The following IFT140 variants were observed in gnomAD, a reference collection of about 807,000 sequenced individuals.
IFT140 encodes the protein intraflagellar transport 140.
Under a neutral mutation model 164.6 loss-of-function variants are expected in IFT140, and 133 were observed. The observed-to-expected ratio is 0.81, with a 90% CI of 0.70 to 0.93. The LOEUF is 0.93. Ranked by LOEUF, IFT140 falls within the 40% of genes least tolerant of loss-of-function variation. The probability of loss-of-function intolerance (pLI) is 0.00; values close to 1 mark genes in which losing one functional copy is unlikely to be tolerated. For synonymous variants in IFT140, 860 were observed against 817.3 expected, an observed-to-expected ratio of 1.05 and a Z score of -0.89; for missense variants, 2,045 against 1,972.3, an observed-to-expected ratio of 1.04 and a Z score of -0.70.
rs137925718 is a variant in IFT140, at chr16:1,568,320, T to C, written c.1667A>G (p.His556Arg). 1.4e-4 allele frequency: 227 copies of C among 1,613,690 alleles called. 3 individuals carry two copies. The African/African-American group carries it at 2.7e-3, about 19-fold the overall frequency. Reference protein sequence around the residue: ...FDLSRREAKAHCSCRSLAELV... With the variant: ...FDLSRREAKARCSCRSLAELV... ...CTCCGCCAGGCTCCTGCAGCTACAG[T>C]GTGCTTTGGCCTCTCTGCAGGGAGG... The change falls in exon 15 of 31, where the codon CAC (histidine) becomes CGC (arginine). Residue 556 changes from histidine to arginine, a missense_variant. By Grantham distance (29) the His-to-Arg change is conservative (BLOSUM62 0). Transcript: ENST00000426508.
In IFT140 at chr16:1,611,971, C is replaced by T. The variant is rs1347141921; in HGVS notation, c.-225G>A. 1.3e-5 allele frequency: 2 copies of T among 152,242 alleles called. No individual in the cohort carries two copies. The highest frequency in any genetic ancestry group is 6.5e-5 in the Admixed American group (1 of 15,282). 9.4% of individuals were successfully genotyped at this position (152,242 alleles called of 1,614,324 possible). On this transcript the variant is annotated 5_prime_UTR_variant, in exon 1 of 31. Transcript: ENST00000426508. Reference sequence around the variant, plus strand: ...CCCAGGAAAGGGTGCGCTTAACTGCCTCAGACGTGCTTCCACACTTCTCAG... The same window carrying T: ...CCCAGGAAAGGGTGCGCTTAACTGCTTCAGACGTGCTTCCACACTTCTCAG...
chr16:1,541,937 G>A, intron 19 of IFT140: 1 of 1,605,948 alleles, frequency 6.2e-7, no homozygotes, highest in Non-Finnish European at 8.5e-7. Flanking sequence ...TCGACATGAT[G>A]CGCGCCTGCA....
At chr16:1,547,271 C>T (rs187820867) in intron 19 of IFT140, among the ~76,000 whole-genome samples, 86 of 152,306 alleles carry the variant, frequency 5.6e-4, no homozygotes, top group African/African-American at 1.6e-3. Flanking sequence ...GGCACTGGTC[C>T]GTCCCGATGC....
intron 4 of IFT140, among the ~76,000 whole-genome samples, chr16:1,597,153 G>A (rs1442885158): frequency 6.6e-6 from 1 of 152,174 alleles, no homozygotes; most frequent in African/African-American, 2.4e-5. Flanking sequence ...ACATCAGGGT[G>A]CGCGTCAGGT....
intron 4 of IFT140, among the ~76,000 whole-genome samples, chr16:1,599,850 G>A (rs1426082000): frequency 3.2e-5 from 3 of 95,158 alleles, no homozygotes; most frequent in South Asian, 3.8e-4. Context: ...CCCCCTGCCC[G>A]GCCAGCCGCC....
chr16:1,528,411 GGACGCAC>G (rs2030018444), intron 19 of IFT140, among the ~76,000 whole-genome samples: 1 of 141,904 alleles, frequency 7.0e-6, no homozygotes, highest in Non-Finnish European at 1.5e-5. Context: ...GCACACACAT[GGACGCAC>G]ATGCACACAC....
At chr16:1,604,274 C>G (rs867415314) in intron 3 of IFT140, 2 of 129,812 alleles carry the variant, frequency 1.5e-5, no homozygotes, top group South Asian at 2.6e-4. Context: ...GCTGCAAGGG[C>G]GTGTGTGTGT....
chr16:1,552,946 C>A, intron 19 of IFT140: 1 of 984,578 alleles, frequency 1.0e-6, no homozygotes, highest in Non-Finnish European at 1.2e-6. Flanking sequence ...AACCACTGTG[C>A]CTTGTCTAGA....
At chr16:1,526,830 C>T in intron 19 of IFT140, 34 bp from the exon 20 acceptor site, 1 of 1,588,274 alleles carries the variant, frequency 6.3e-7, no homozygotes, top group Non-Finnish European at 8.6e-7. Flanking sequence ...AGGCTCCTGC[C>T]CAGCACCTCA....
At chr16:1,595,794 T>TGTAATCCCAGCACTTTGG (rs1168310577) in intron 4 of IFT140, among the ~76,000 whole-genome samples, 1 of 152,156 alleles carries the variant, frequency 6.6e-6, no homozygotes, top group Non-Finnish European at 1.5e-5. Context: ...GGCTCATGCC[T>TGTAATCCCAGCACTTTGG]GTAATCCCAG....
In IFT140 at chr16:1,526,068, C is replaced by G; in HGVS notation, c.2587G>C (p.Glu863Gln). Reference protein sequence around the residue: ...ATQLGMLEDAEQLYRKCKRHD... With the variant: ...ATQLGMLEDAQQLYRKCKRHD... ...CGCTTGCACTTCCTGTACAGCTGCT[C>G]GGCGTCCTCCTGAGGAATGAGGATG... The change falls in exon 21 of 31, where the codon GAG becomes CAG. Residue 863 changes from glutamate (E) to glutamine (Q), a missense_variant. Physicochemically the swap from Glu to Gln is conservative, Grantham distance 29. Coordinates refer to ENST00000426508, the MANE Select transcript of IFT140 (RefSeq NM_014714.4). The G allele has an allele frequency of 6.3e-7, 1 of 1,586,406 alleles. No homozygotes were observed. Among genetic ancestry groups the G allele is most frequent in the South Asian group, 1.2e-5 (1 of 86,936 alleles).
intron 18 of IFT140, 138 bp from the exon 19 acceptor site, chr16:1,558,272 A>G (rs2033216362): frequency 1.2e-6 from 1 of 803,774 alleles, no homozygotes; most frequent in African/African-American, 1.7e-5. Context: ...CAACAGGCCC[A>G]GTCCCTGCCA....
intron 3 of IFT140, among the ~76,000 whole-genome samples, chr16:1,606,740 G>A (rs2142092660): frequency 6.6e-6 from 1 of 152,234 alleles, no homozygotes; most frequent in African/African-American, 2.4e-5. Flanking sequence ...GATTACAGGC[G>A]TGAGCCACTG....
chr16:1,594,420 T>C (rs898747300), intron 4 of IFT140, among the ~76,000 whole-genome samples: 3 of 152,058 alleles, frequency 2.0e-5, no homozygotes, highest in Non-Finnish European at 2.9e-5. Context: ...GGGGTCGCAC[T>C]ATGTTGCCCA....
intron 13 of IFT140, chr16:1,579,637 T>A (rs2034451080): frequency 6.6e-6 from 1 of 152,178 alleles, no homozygotes; most frequent in African/African-American, 2.4e-5. Flanking sequence ...GTGTGTGGGA[T>A]GCAGACGGGG....
chr16:1,609,853 T>C (rs112168277), intron 2 of IFT140: 4 of 152,216 alleles, frequency 2.6e-5, no homozygotes, highest in African/African-American at 9.6e-5. Flanking sequence ...ACAAGTACCT[T>C]TCCTTTTCTT....
intron 3 of IFT140, among the ~76,000 whole-genome samples, chr16:1,604,872 T>A (rs943012400): frequency 6.6e-6 from 1 of 151,436 alleles, no homozygotes; most frequent in African/African-American, 2.4e-5. Context: ...GAAACCAGGA[T>A]AAAGGGGGTG....
chr16:1,520,518 C>T (rs991413210), intron 27 of IFT140, 84 bp downstream of exon 27: 32 of 1,436,980 alleles, frequency 2.2e-5, no homozygotes, highest in Middle Eastern at 2.4e-4. Flanking sequence ...GGGGTCATCA[C>T]GAAGGCAAAT....
Position 1,520,673 on chromosome 16 carries a change from C to T in IFT140, c.3589G>A (p.Asp1197Asn), listed in dbSNP as rs377433978. The T allele has an allele frequency of 3.2e-5, 52 of 1,607,706 alleles. No homozygotes were observed. Among genetic ancestry groups the T allele is most frequent in the Non-Finnish European group, 4.2e-5 (50 of 1,177,204 alleles). The change falls in exon 27 of 31, where the codon GAC (aspartate) becomes AAC (asparagine). Residue 1197 changes from aspartate (D) to asparagine (N), a missense_variant. By Grantham distance (23) the Asp-to-Asn change is conservative (BLOSUM62 1). Coordinates refer to ENST00000426508, the MANE Select transcript of IFT140 (RefSeq NM_014714.4). The part of the protein sequence containing the change: ...SRRELLEQIA[D>N]CCMRQGSYHL... Reference sequence around the variant, plus strand: ...TAGCTGCCCTGGCGCATGCAGCAGTCTGCTATCTGCTCCAGCAGCTCCCGC... The same window carrying T: ...TAGCTGCCCTGGCGCATGCAGCAGTTTGCTATCTGCTCCAGCAGCTCCCGC...
Sources: gnomAD v4.1 joint callset for allele counts (sites outside exome capture counted in the v4.1 genomes callset) on GRCh38, gnomAD v4.1.1 for gene constraint, MANE v1.5 for transcripts, NCBI Gene and HGNC (gene_info 2026-07-23, HGNC 2026-07-21) for gene names.